The following SYT17 variants were observed in gnomAD, a reference collection of about 807,000 sequenced individuals.
The protein encoded by SYT17 is synaptotagmin 17.
In SYT17, 22 loss-of-function variants were observed where a neutral mutation model predicts 46.7. That is an observed-to-expected ratio of 0.47 (90% confidence interval 0.34 to 0.67). The LOEUF (loss-of-function observed/expected upper bound fraction) is 0.67, where lower values mean the gene tolerates loss of function less well. SYT17 is among the 30% of genes least tolerant of loss of function. SYT17 has a pLI of 0.01. For synonymous variants in SYT17, 251 were observed against 248.4 expected (o/e 1.01, Z -0.10); for missense variants, 519 against 612.8 (o/e 0.85, Z 1.62).
chr16:19,189,400 G>A (rs867452994), intron 5 of SYT17, among the ~76,000 whole-genome samples: 8 of 146,832 alleles, frequency 5.4e-5, no homozygotes, highest in Non-Finnish European at 1.2e-4. Context: ...GATTGCAGTC[G>A]TGTAATCATG....
chr16:19,179,412 T>G (rs556372178), intron 3 of SYT17, among the ~76,000 whole-genome samples: 1 of 152,040 alleles, frequency 6.6e-6, no homozygotes, highest in African/African-American at 2.4e-5. Context: ...CTTCACAAAG[T>G]TTACAGCTGT....
chr16:19,207,799 G>C (rs1965731065), intron 5 of SYT17, among the ~76,000 whole-genome samples: 1 of 152,108 alleles, frequency 6.6e-6, no homozygotes, highest in Non-Finnish European at 1.5e-5. Context: ...CCTTGGGGAG[G>C]CCAGGGCAAC....
intron 5 of SYT17, among the ~76,000 whole-genome samples, chr16:19,192,934 C>A (rs150407536): frequency 1.4e-4 from 22 of 152,280 alleles, no homozygotes; most frequent in African/African-American, 5.1e-4. Context: ...GGGTGAGAGG[C>A]CCATGAATCT....
Position 19,176,139 on chromosome 16 carries a change from T to TTCTC in SYT17, c.182+2571_182+2574dup, listed in dbSNP as rs138449515. ...AGCAGAAATCATGTCATCAGAGCCT[T>TTCTC]TCTCTCTCTCTCTTTCTTTCTCTGT... is the stretch of plus-strand genomic sequence containing the variant. On this transcript the variant is annotated intron_variant, in intron 3 of 7. Coordinates refer to ENST00000355377, the MANE Select transcript of SYT17 (RefSeq NM_016524.4). Among the ~76,000 whole-genome samples the TTCTC allele has an allele frequency of 8.6e-3, 1,302 of 152,254 alleles. 22 individuals carry two copies. Among genetic ancestry groups the TTCTC allele is most frequent in the African/African-American group, 0.03 (1,251 of 41,548 alleles).
chr16:19,248,558 C>T (rs1345525316), intron 7 of SYT17, among the ~76,000 whole-genome samples: 2 of 152,190 alleles, frequency 1.3e-5, no homozygotes, highest in East Asian at 1.9e-4. Flanking sequence ...TGGTGGCTCA[C>T]GCTTGTAATC....
At chr16:19,224,126 C>T (rs1301809504) in intron 6 of SYT17, among the ~76,000 whole-genome samples, 4 of 152,208 alleles carry the variant, frequency 2.6e-5, no homozygotes, top group Non-Finnish European at 5.9e-5. Context: ...ATTCTGCCAT[C>T]TCTATTCACC....
intron 5 of SYT17, among the ~76,000 whole-genome samples, chr16:19,212,503 C>T (rs1965943651): frequency 6.6e-6 from 1 of 152,150 alleles, no homozygotes; most frequent in African/African-American, 2.4e-5. Flanking sequence ...TGCCTGTAAT[C>T]TCAGCTACTC....
At chr16:19,172,879 A>G (rs1964154745) in intron 2 of SYT17, 102 bp downstream of exon 2, 13 of 1,395,158 alleles carry the variant, frequency 9.3e-6, no homozygotes, top group Non-Finnish European at 1.0e-5. Context: ...TGAATATTCA[A>G]CAATAACCTG....
Position 19,183,447 on chromosome 16 carries a change from G to C in SYT17, c.332-81G>C. 6.5e-7 allele frequency: 1 copy of C among 1,549,752 alleles called. No individual in the cohort carries two copies. On this transcript the variant is annotated intron_variant, in intron 4 of 7. Coordinates refer to ENST00000355377, the MANE Select transcript of SYT17 (RefSeq NM_016524.4). This position sits in a 1 kb window ranked among gnomAD's most constrained non-coding sequence, Gnocchi z 5.6. ...GTCATTCTGAAGCAGAGTAAACAAT[G>C]CAAGAATCTGCTTACCTGCAAAGTG...
intron 1 of SYT17, 123 bp from the exon 2 acceptor site, chr16:19,172,635 CTT>C (rs11388642): frequency 2.9e-4 from 410 of 1,431,660 alleles, no homozygotes; most frequent in Admixed American, 1.3e-3. Flanking sequence ...ATATGCAGGG[CTT>C]TTTTTTTTTT....
At chr16:19,172,984 C>T in intron 2 of SYT17, 1 of 623,514 alleles carries the variant, frequency 1.6e-6, no homozygotes, top group Non-Finnish European at 2.8e-6. Context: ...CCCTCTCCAC[C>T]CCTACTTATT....
Position 19,168,644 on chromosome 16 carries a change from A to C in SYT17, c.-3A>C. On this transcript the variant is annotated 5_prime_UTR_variant, in exon 1 of 8. Coordinates refer to ENST00000355377, the MANE Select transcript of SYT17 (RefSeq NM_016524.4). The surrounding 1 kb of genome is among the most constrained non-coding windows in gnomAD (Gnocchi z 6.9). ...GGGCCGGAGTGAGTGCGCGCGGGCGAAAATGGCGTACATCCAGGTAGGGCT... is the reference window on the plus strand; with the variant it reads ...GGGCCGGAGTGAGTGCGCGCGGGCGCAAATGGCGTACATCCAGGTAGGGCT... The C allele has an allele frequency of 2.0e-6, 3 of 1,537,508 alleles. No individual in the cohort carries two copies. Among genetic ancestry groups the C allele is most frequent in the Non-Finnish European group, 2.6e-6 (3 of 1,140,306 alleles).
chr16:19,224,913 C>T lies in SYT17; in HGVS notation c.1228+75C>T, dbSNP rs923967067. The T allele has an allele frequency of 5.9e-6, 9 of 1,533,112 alleles. No individual in the cohort carries two copies. In the Admixed American group the frequency reaches 8.9e-5, roughly 15 times the overall value. The allele number at this position is 1,533,112 out of a possible 1,614,324, so 95.0% of individuals were successfully genotyped here. A position where few individuals can be genotyped will look rare whatever the true frequency, so the allele number is the denominator to read the frequency against. ...TTACTGTCCTAGAGCCAGAAGGCAT[C>T]TAGAGAGAGTTACATTTAAGAACGT... On this transcript the variant is annotated intron_variant, in intron 7 of 7. Coordinates refer to ENST00000355377, the MANE Select transcript of SYT17 (RefSeq NM_016524.4).
At chr16:19,190,166 T>C (rs1425548040) in intron 5 of SYT17, among the ~76,000 whole-genome samples, 2 of 152,162 alleles carry the variant, frequency 1.3e-5, no homozygotes, top group Non-Finnish European at 2.9e-5. Context: ...CTCAACTCTT[T>C]TAAAAAATTA....
intron 7 of SYT17, among the ~76,000 whole-genome samples, chr16:19,263,565 G>A (rs187676624): frequency 7.9e-5 from 12 of 150,988 alleles, no homozygotes; most frequent in East Asian, 1.9e-4. Context: ...ACTTGAGCCC[G>A]GGAGGCAGAG....
At chr16:19,200,933 A>C (rs1229187390) in intron 5 of SYT17, among the ~76,000 whole-genome samples, 1 of 152,168 alleles carries the variant, frequency 6.6e-6, no homozygotes, top group East Asian at 1.9e-4. Flanking sequence ...AGGTCGGATC[A>C]GCTCATCAAC....
chr16:19,254,307 G>C (rs1447230375), intron 7 of SYT17, among the ~76,000 whole-genome samples: 1 of 152,034 alleles, frequency 6.6e-6, no homozygotes, highest in African/African-American at 2.4e-5. Context: ...TAGTAGGATC[G>C]GGCCCCTTTC....
At chr16:19,218,516 CT>C (rs2142842524) in intron 5 of SYT17, among the ~76,000 whole-genome samples, 1 of 152,272 alleles carries the variant, frequency 6.6e-6, no homozygotes, top group Non-Finnish European at 1.5e-5. Context: ...AATAAAAGAG[CT>C]TTGCTTTCTT....
intron 7 of SYT17, among the ~76,000 whole-genome samples, chr16:19,251,903 G>A (rs1968103095): frequency 6.6e-6 from 1 of 152,102 alleles, no homozygotes; most frequent in African/African-American, 2.4e-5. Flanking sequence ...TTTAAGGGAT[G>A]TTACCGCTGT....
Sources: gnomAD v4.1 joint callset for allele counts (sites outside exome capture counted in the v4.1 genomes callset) on GRCh38, gnomAD v4.1.1 for gene constraint, Gnocchi (gnomAD v3.1) non-coding constraint, MANE v1.5 for transcripts, NCBI Gene and HGNC (gene_info 2026-07-23, HGNC 2026-07-21) for gene names.